Variants in KIF5B observed in about 807,000 individuals in gnomAD.
The protein encoded by KIF5B is kinesin-1 heavy chain.
A neutral mutation model predicts 132.8 loss-of-function variants in KIF5B; 49 were observed. That is an observed-to-expected ratio of 0.37 (90% CI 0.29 to 0.47). The LOEUF (loss-of-function observed/expected upper bound fraction) is 0.47, where lower values mean the gene tolerates loss of function less well. Ranked by LOEUF, KIF5B falls within the 20% of genes least tolerant of loss-of-function variation. The probability of loss-of-function intolerance (pLI) is 1.00; values close to 1 mark genes in which losing one functional copy is unlikely to be tolerated. For synonymous variants in KIF5B, 355 were observed against 369.4 expected (o/e 0.96, Z 0.45); for missense variants, 780 against 1,144.0 (o/e 0.68, Z 4.59).
chr10:32,053,820 C>G (rs1592457187), intron 1 of KIF5B, among the ~76,000 whole-genome samples: 1 of 151,922 alleles, frequency 6.6e-6, no homozygotes, highest in South Asian at 2.1e-4. Context: ...CTGTTCATTA[C>G]GGATTCACAA....
At position 32,056,242 on chromosome 10, in the gene KIF5B, C is replaced by A. The variant is rs1311440784; in HGVS notation, c.-269G>T. On this transcript the variant is annotated 5_prime_UTR_variant, in exon 1 of 26. Coordinates refer to ENST00000302418, the MANE Select transcript of KIF5B (RefSeq NM_004521.3). ...GCGGCACCGGGGAGAGCGTCCGCGG[C>A]TCCTCAGCGTCCCCCTTTACGGTCT... The A allele has an allele frequency of 4.6e-6, 2 of 439,192 alleles. No individual in the cohort carries two copies. Among genetic ancestry groups the A allele is most frequent in the Non-Finnish European group, 8.0e-6 (2 of 248,524 alleles). The allele number at this position is 439,192 out of a possible 1,614,324, so 27.2% of individuals were successfully genotyped here. A position where few individuals can be genotyped will look rare whatever the true frequency, so the allele number is the denominator to read the frequency against.
intron 7 of KIF5B, 52 bp from the exon 8 acceptor site, chr10:32,037,430 A>G: frequency 6.2e-7 from 1 of 1,602,224 alleles, no homozygotes; most frequent in Non-Finnish European, 8.5e-7. Context: ...TCCCCTTAAC[A>G]ATTTCCCTGA....
chr10:32,017,077 C>T (rs535306947), intron 24 of KIF5B, 66 bp downstream of exon 24: 69 of 1,326,676 alleles, frequency 5.2e-5, no homozygotes, highest in Admixed American at 5.1e-5. Flanking sequence ...ATTCGGATTA[C>T]GTTTTCCACT....
At chr10:32,024,746 C>G (rs1841312658) in intron 15 of KIF5B, among the ~76,000 whole-genome samples, 1 of 151,634 alleles carries the variant, frequency 6.6e-6, no homozygotes, top group African/African-American at 2.4e-5. Flanking sequence ...ACCTAGGCGA[C>G]AGAGCGAGAC....
intron 2 of KIF5B, among the ~76,000 whole-genome samples, chr10:32,047,009 TAATA>T (rs2132614310): frequency 6.6e-6 from 1 of 152,326 alleles, no homozygotes; most frequent in East Asian, 1.9e-4. Context: ...GCCTATTTTA[TAATA>T]AAGTGTTAAA....
intron 25 of KIF5B, among the ~76,000 whole-genome samples, chr10:32,014,180 G>A (rs968349312): frequency 2.0e-5 from 3 of 152,150 alleles, no homozygotes; most frequent in East Asian, 3.8e-4. Context: ...AACCAATCAC[G>A]TTGTAGAAGA....
intron 25 of KIF5B, among the ~76,000 whole-genome samples, chr10:32,014,251 TGTG>T (rs1263021087): frequency 6.6e-6 from 1 of 152,032 alleles, no homozygotes; most frequent in East Asian, 1.9e-4. Context: ...AATTAGCCGG[TGTG>T]GTGGTGCACG....
Position 32,047,503 on chromosome 10 carries a change from C to A in KIF5B, c.214+961G>T, listed in dbSNP as rs1841628883. On this transcript the variant is annotated intron_variant, in intron 2 of 25. Transcript: ENST00000302418. Reference sequence around the variant, plus strand: ...ACTGCCTGGCAATACTCTCACACTGCCTGAATCCATCCATTTCATGCCTTT... The same window carrying A: ...ACTGCCTGGCAATACTCTCACACTGACTGAATCCATCCATTTCATGCCTTT... Among the ~76,000 whole-genome samples, 3 of 152,166 alleles carry A rather than the reference C, an allele frequency of 2.0e-5. No homozygotes were observed. The South Asian group carries it at 6.2e-4, about 32-fold the overall frequency.
intron 25 of KIF5B, 31 bp from the exon 26 acceptor site, chr10:32,011,547 T>G (rs1841081202): frequency 6.6e-6 from 1 of 152,198 alleles, no homozygotes; most frequent in South Asian, 2.1e-4. Flanking sequence ...AGAGTAAATA[T>G]GTTTAGTTTT....
chr10:32,055,693 T>G (rs558312070), intron 1 of KIF5B, among the ~76,000 whole-genome samples, 155 bp downstream of exon 1: 68 of 152,132 alleles, frequency 4.5e-4, no homozygotes, highest in African/African-American at 1.5e-3. Flanking sequence ...CTGCGCAGTC[T>G]CCCTCCACTG....
chr10:32,032,626 A>ATT, intron 13 of KIF5B, 80 bp downstream of exon 13: 2 of 1,086,662 alleles, frequency 1.8e-6, no homozygotes, highest in Non-Finnish European at 2.9e-6. Flanking sequence ...TTATACAACT[A>ATT]TTAAAGACAA....
chr10:32,013,304 T>C (rs1378893053), intron 25 of KIF5B, among the ~76,000 whole-genome samples: 1 of 152,242 alleles, frequency 6.6e-6, no homozygotes, highest in African/African-American at 2.4e-5. Context: ...GAAAACCAGC[T>C]ATTGTATGTC....
rs74127907 is a variant in KIF5B at position 32,046,079 on chromosome 10, A to G, written c.214+2385T>C. Among the ~76,000 whole-genome samples, 286 of 152,284 alleles carry G rather than the reference A, an allele frequency of 1.9e-3. 1 individual carries two copies. The highest frequency in any genetic ancestry group is 6.7e-3 in the African/African-American group (280 of 41,578). ...AGATCCCCAGTATAAAACTCAAAAT[A>G]TGATTAAGAGCTAAAATGAACAAAA... On this transcript the variant is annotated intron_variant, in intron 2 of 25. Coordinates refer to ENST00000302418, the MANE Select transcript of KIF5B (RefSeq NM_004521.3).
chr10:32,029,711 T>C (rs550042785), intron 14 of KIF5B, among the ~76,000 whole-genome samples: 178 of 152,352 alleles, frequency 1.2e-3, no homozygotes, highest in African/African-American at 4.1e-3. Flanking sequence ...GTAATGCTGA[T>C]AGATTTCAGC....
At chr10:32,053,042 A>G (rs1210021785) in intron 1 of KIF5B, among the ~76,000 whole-genome samples, 1 of 152,242 alleles carries the variant, frequency 6.6e-6, no homozygotes, top group African/African-American at 2.4e-5. Flanking sequence ...ATATTCTTTC[A>G]ATTTTGATCT....
chr10:32,032,549 T>C (rs1191000804), intron 13 of KIF5B, among the ~76,000 whole-genome samples, 157 bp downstream of exon 13: 2 of 152,228 alleles, frequency 1.3e-5, no homozygotes, highest in Non-Finnish European at 2.9e-5. Flanking sequence ...GTAGATACGA[T>C]GAATAAGTAA....
rs1406606067 is a variant in KIF5B, at chr10:32,016,012, C to T, written c.2762-353G>A. ...TAAAAAAATTAGCTAGGTGTGGTGG[C>T]GTGCACCTGTAGTCCCAGCTACTTG... is the stretch of plus-strand genomic sequence containing the variant. On this transcript the variant is annotated intron_variant, in intron 24 of 25. Transcript: ENST00000302418. Among the ~76,000 whole-genome samples the T allele has an allele frequency of 2.0e-5, 3 of 151,946 alleles. No homozygotes were observed. In the East Asian group the frequency reaches 5.8e-4, roughly 29 times the overall value.
intron 12 of KIF5B, among the ~76,000 whole-genome samples, chr10:32,033,164 T>C (rs1024892626): frequency 4.3e-4 from 66 of 152,306 alleles, no homozygotes; most frequent in Middle Eastern, 3.4e-3. Context: ...CTCTATTGTG[T>C]TTCCCTTAAT....
chr10:32,049,011 G>A (rs1446184757), intron 1 of KIF5B, among the ~76,000 whole-genome samples: 1 of 152,034 alleles, frequency 6.6e-6, no homozygotes, highest in Non-Finnish European at 1.5e-5. Context: ...TGGGACTAGA[G>A]GCATGTGCCA....
Sources: allele counts gnomAD v4.1 joint callset (sites outside exome capture counted in the v4.1 genomes callset), GRCh38; gene constraint gnomAD v4.1.1; transcripts MANE v1.5; gene names NCBI Gene and HGNC (gene_info 2026-07-23, HGNC 2026-07-21).